The following EPG5 variants were observed in gnomAD, a reference collection of about 807,000 sequenced individuals.
The protein encoded by EPG5 is ectopic P granules protein 5 homolog.
EPG5 carries 159 observed loss-of-function variants against 302.7 expected under a neutral mutation model. The ratio of observed to expected loss-of-function variants is 0.53; its 90% CI spans 0.46 to 0.60. The LOEUF (loss-of-function observed/expected upper bound fraction) is 0.60, where lower values mean the gene tolerates loss of function less well. Among genes scored for constraint, EPG5 ranks in the 20% least tolerant of loss-of-function variants. The pLI, the probability that EPG5 is intolerant of heterozygous loss-of-function variation, is 0.00. For synonymous variants in EPG5, 1,158 were observed against 1,136.8 expected (o/e 1.02, Z -0.37); for missense variants, 2,896 against 3,092.4 (o/e 0.94, Z 1.51).
chr18:45,837,005 G>A, the EPG5 span: 3 of 1,169,498 alleles, frequency 2.6e-6, no homozygotes, highest in Non-Finnish European at 3.9e-6. Flanking sequence ...CGTGTAACCC[G>A]GGGTTAACTG....
At chr18:45,922,704 G>T in intron 15 of EPG5, 104 bp from the exon 16 acceptor site, 1 of 1,342,998 alleles carries the variant, frequency 7.4e-7, no homozygotes. Context: ...TCAACGCAGA[G>T]GAATATTCTA....
At chr18:45,805,959 T>C in the EPG5 span, among the ~76,000 whole-genome samples, 1 of 152,192 alleles carries the variant, frequency 6.6e-6, no homozygotes, top group Non-Finnish European at 1.5e-5. Flanking sequence ...AAAATTAAGA[T>C]AAAAATTCAG....
chr18:45,825,790 T>G, the EPG5 span: 1,137 of 1,614,158 alleles, frequency 7.0e-4, 6 homozygotes, highest in African/African-American at 0.014. Flanking sequence ...GGTGAGTGTC[T>G]GCTACTCTCT....
chr18:45,852,244 C>T lies in EPG5; in HGVS notation c.*223G>A. 7.3e-6 allele frequency: 3 copies of T among 411,058 alleles called. No individual in the cohort carries two copies. The highest frequency in any genetic ancestry group is 1.3e-5 in the Non-Finnish European group (3 of 233,488). The allele number at this position is 411,058 out of a possible 1,614,324, so 25.5% of individuals were successfully genotyped here. A position where few individuals can be genotyped will look rare whatever the true frequency, so the allele number is the denominator to read the frequency against. On this transcript the variant is annotated 3_prime_UTR_variant, in exon 44 of 44. Transcript: ENST00000282041. ...TTTCTCTTGTGGATAAATATAAAAA[C>T]TTAAAGAGTCCCCAGAAGGTCTTAA...
chr18:45,869,452 C>T (rs1459364546), intron 36 of EPG5, among the ~76,000 whole-genome samples: 1 of 152,150 alleles, frequency 6.6e-6, no homozygotes, highest in Non-Finnish European at 1.5e-5. Context: ...GGGTCATCTG[C>T]CATTAGAATA....
chr18:45,846,907 A>G (rs1758529409), downstream of EPG5, among the ~76,000 whole-genome samples: 1 of 152,202 alleles, frequency 6.6e-6, no homozygotes, highest in Non-Finnish European at 1.5e-5. Flanking sequence ...ATTTTCGGAG[A>G]AAGATCGTTT....
At chr18:45,941,545 T>C (rs1304372148) in intron 9 of EPG5, among the ~76,000 whole-genome samples, 1 of 152,160 alleles carries the variant, frequency 6.6e-6, no homozygotes, top group Non-Finnish European at 1.5e-5. Flanking sequence ...ATACAAAAAG[T>C]AAGCAGATGG....
the EPG5 span, among the ~76,000 whole-genome samples, chr18:45,813,346 A>G: frequency 6.6e-6 from 1 of 152,212 alleles, no homozygotes; most frequent in Non-Finnish European, 1.5e-5. Flanking sequence ...ACCCTTGTGG[A>G]AGTCAGTGTG....
chr18:45,844,180 C>T (rs1057511898), downstream of EPG5: 1 of 152,052 alleles, frequency 6.6e-6, no homozygotes, highest in Non-Finnish European at 1.5e-5. Context: ...AGATAAATAT[C>T]GCATGTTCGC....
intron 1 of EPG5, among the ~76,000 whole-genome samples, chr18:45,959,421 T>C (rs1168929644): frequency 1.3e-5 from 2 of 151,540 alleles, no homozygotes; most frequent in Admixed American, 1.3e-4. Context: ...CTGAGGCAGG[T>C]GGATTACGAG....
intron 25 of EPG5, among the ~76,000 whole-genome samples, chr18:45,902,385 T>TCCTTTCAAGCAAC (rs775084018): frequency 1.3e-5 from 2 of 152,194 alleles, no homozygotes; most frequent in Non-Finnish European, 1.5e-5. Context: ...ATGTTAAAGT[T>TCCTTTCAAGCAAC]CCTTTCAAGC....
chr18:45,802,043 T>C, the EPG5 span, among the ~76,000 whole-genome samples: 1 of 152,100 alleles, frequency 6.6e-6, no homozygotes, highest in African/African-American at 2.4e-5. Context: ...CACCCTGCAG[T>C]GTCCACTCCC....
chr18:45,859,088 T>C (rs1161232751), intron 40 of EPG5, among the ~76,000 whole-genome samples: 2 of 152,264 alleles, frequency 1.3e-5, no homozygotes, highest in African/African-American at 4.8e-5. Flanking sequence ...TATCACATTA[T>C]GATCCTTAAA....
At chr18:45,843,703 ACT>A (rs2048343793), downstream of EPG5, 1 of 152,056 alleles carries the variant, frequency 6.6e-6, no homozygotes, top group South Asian at 2.1e-4. Flanking sequence ...ACATGGTAAA[ACT>A]CTGTCTCTAC....
At chr18:45,898,194 T>C (rs1335800202) in intron 27 of EPG5, among the ~76,000 whole-genome samples, 1 of 152,162 alleles carries the variant, frequency 6.6e-6, no homozygotes, top group Non-Finnish European at 1.5e-5. Context: ...ATCCCATCTC[T>C]ACTACAAAAC....
At chr18:45,857,132 C>T (rs1347789993) in intron 42 of EPG5, among the ~76,000 whole-genome samples, 1 of 151,612 alleles carries the variant, frequency 6.6e-6, no homozygotes, top group African/African-American at 2.4e-5. Context: ...TATTTTTAGA[C>T]AGGGTCTGAC....
chr18:45,927,593 TACACAC>T (rs67488772), intron 13 of EPG5, among the ~76,000 whole-genome samples: 165 of 133,500 alleles, frequency 1.2e-3, no homozygotes, highest in African/African-American at 2.1e-3. Context: ...CAAAAAGTTA[TACACAC>T]ACACACACAC....
chr18:45,854,807 G>T (rs1304495872), intron 43 of EPG5, among the ~76,000 whole-genome samples: 2 of 152,218 alleles, frequency 1.3e-5, no homozygotes, highest in Admixed American at 1.3e-4. Flanking sequence ...GCTGCAGTGA[G>T]ATATGATCAC....
chr18:45,918,571 T>A (rs1171060981), intron 16 of EPG5, among the ~76,000 whole-genome samples: 1 of 152,110 alleles, frequency 6.6e-6, no homozygotes, highest in Non-Finnish European at 1.5e-5. Context: ...CGGAAAAAAA[T>A]ATAAAATATG....
Sources: allele counts gnomAD v4.1 joint callset (sites outside exome capture counted in the v4.1 genomes callset), GRCh38; gene constraint gnomAD v4.1.1; transcripts MANE v1.5; gene names NCBI Gene and HGNC (gene_info 2026-07-23, HGNC 2026-07-21).